Variants in PAG1 observed in about 807,000 individuals in gnomAD.
PAG1 encodes the protein phosphoprotein membrane anchor with glycosphingolipid microdomains 1.
In PAG1, 23 loss-of-function variants were observed where a neutral mutation model predicts 31.7. That is an observed-to-expected ratio of 0.73 (90% CI 0.52 to 1.03). The LOEUF (loss-of-function observed/expected upper bound fraction) is 1.03. Ranked by LOEUF, PAG1 falls within the 50% of genes least tolerant of loss-of-function variation. The probability of loss-of-function intolerance (pLI) is 0.00; values close to 1 mark genes in which losing one functional copy is unlikely to be tolerated. For missense variants in PAG1, 473 were observed against 540.7 expected, an observed-to-expected ratio of 0.87 and a Z score of 1.24; for synonymous variants, 214 against 210.3, an observed-to-expected ratio of 1.02 and a Z score of -0.15.
intron 3 of PAG1, among the ~76,000 whole-genome samples, chr8:81,021,339 C>T (rs767355991): frequency 5.9e-5 from 9 of 151,820 alleles, no homozygotes; most frequent in Non-Finnish European, 8.8e-5. Context: ...TAACAACTTA[C>T]GTCAGCATGG....
intron 1 of PAG1, among the ~76,000 whole-genome samples, chr8:81,088,362 C>T (rs1408651157): frequency 1.3e-5 from 2 of 152,116 alleles, no homozygotes; most frequent in Non-Finnish European, 2.9e-5. Context: ...TTATTAACTG[C>T]GGATTTTTTT....
chr8:80,985,113 A>G lies in PAG1; in HGVS notation c.539T>C (p.Leu180Ser). ...SSQENMVEDC[L>S]YETVKEIKEV... ...CTTGATCTCTTTCACAGTTTCATAC[A>G]AGCAGTCCTCCACCATGTTTTCTTG... The change falls in exon 7 of 9, where the codon TTG (leucine) becomes TCG (serine). Residue 180 changes from leucine (L) to serine (S), a missense_variant. Coordinates refer to ENST00000220597, the MANE Select transcript of PAG1 (RefSeq NM_018440.4). 1 of 1,614,070 alleles carries G rather than the reference A, an allele frequency of 6.2e-7. No individual in the cohort carries two copies. The highest frequency in any genetic ancestry group is 8.5e-7 in the Non-Finnish European group (1 of 1,180,020).
intron 3 of PAG1, among the ~76,000 whole-genome samples, chr8:81,026,525 CAT>C (rs1808281288): frequency 1.3e-5 from 2 of 151,180 alleles, no homozygotes; most frequent in South Asian, 2.1e-4. Flanking sequence ...TGATGACACA[CAT>C]GAGGCTGGTG....
intron 1 of PAG1, among the ~76,000 whole-genome samples, chr8:81,076,998 C>T (rs1222250897): frequency 6.6e-6 from 1 of 152,178 alleles, no homozygotes; most frequent in Non-Finnish European, 1.5e-5. Flanking sequence ...TTTCATGAAA[C>T]CTTCCTGTCT....
chr8:80,985,876 C>T (rs569873320), intron 6 of PAG1, among the ~76,000 whole-genome samples: 3 of 152,312 alleles, frequency 2.0e-5, no homozygotes, highest in South Asian at 4.1e-4. Flanking sequence ...AACATGCACC[C>T]GTCAGCCATT....
chr8:81,056,129 C>A (rs1459201328), intron 2 of PAG1, among the ~76,000 whole-genome samples: 3 of 152,090 alleles, frequency 2.0e-5, no homozygotes, highest in Non-Finnish European at 4.4e-5. Context: ...TGAAATATGT[C>A]CCATCAATAC....
intron 1 of PAG1, among the ~76,000 whole-genome samples, chr8:81,095,823 T>C (rs1433516594): frequency 1.3e-5 from 2 of 152,188 alleles, no homozygotes; most frequent in Non-Finnish European, 2.9e-5. Context: ...ACTATATGTG[T>C]AAGGCTGATA....
chr8:80,978,373 G>A (rs1807226686), intron 8 of PAG1, among the ~76,000 whole-genome samples: 1 of 152,142 alleles, frequency 6.6e-6, no homozygotes, highest in African/African-American at 2.4e-5. Flanking sequence ...TTATAAGGAA[G>A]TGCAAACACA....
intron 2 of PAG1, among the ~76,000 whole-genome samples, chr8:81,060,965 TC>T (rs1273571265): frequency 6.6e-6 from 1 of 152,220 alleles, no homozygotes; most frequent in African/African-American, 2.4e-5. Flanking sequence ...GCCTCTCTGC[TC>T]CCTTGAAAGA....
chr8:80,998,605 A>AAAG, intron 3 of PAG1, among the ~76,000 whole-genome samples: 1 of 151,290 alleles, frequency 6.6e-6, no homozygotes, highest in Non-Finnish European at 1.5e-5. Flanking sequence ...GAAAAAAAAA[A>AAAG]CCACACAAAT....
chr8:81,040,604 A>G (rs1241838977), intron 2 of PAG1, among the ~76,000 whole-genome samples: 2 of 152,386 alleles, frequency 1.3e-5, no homozygotes, highest in East Asian at 3.9e-4. Flanking sequence ...TTAACCAGTT[A>G]TCATATACGA....
At chr8:81,070,420 A>G (rs1372713570) in intron 1 of PAG1, among the ~76,000 whole-genome samples, 1 of 152,238 alleles carries the variant, frequency 6.6e-6, no homozygotes, top group Non-Finnish European at 1.5e-5. Flanking sequence ...TTATACATGT[A>G]GAAAAGTAAA....
At position 80,972,940 on chromosome 8, in the gene PAG1, C is replaced by CGTGTGTGTGTGTGTGTGT. The variant is rs112676321; in HGVS notation, c.*3586_*3603dup. ...AAGTATATACACACACACACGTATA[C>CGTGTGTGTGTGTGTGTGT]GTGTGTGTGTGTGTGTGTGTGTGTG... On this transcript the variant is annotated 3_prime_UTR_variant, in exon 9 of 9. Coordinates refer to ENST00000220597, the MANE Select transcript of PAG1 (RefSeq NM_018440.4). The CGTGTGTGTGTGTGTGTGT allele has an allele frequency of 1.2e-4, 18 of 146,384 alleles. No individual in the cohort carries two copies. The highest frequency in any genetic ancestry group is 2.7e-4 in the African/African-American group (11 of 40,108). 9.1% of individuals were successfully genotyped at this position (146,384 alleles called of 1,614,324 possible).
chr8:81,086,778 A>G lies in PAG1; in HGVS notation c.-233-16608T>C, dbSNP rs551839645. 2.0e-5 allele frequency among the ~76,000 whole-genome samples: 3 copies of G among 152,304 alleles called. No homozygotes were observed. The South Asian group carries it at 6.2e-4, about 32-fold the overall frequency. ...TGCAAATTGAGGCCCATAATAAGAT[A>G]TTATTTCATATCTACTAGACAAGCA... On this transcript the variant is annotated intron_variant, in intron 1 of 8. Coordinates refer to ENST00000220597, the MANE Select transcript of PAG1 (RefSeq NM_018440.4).
At chr8:81,105,893 C>T (rs569034789) in intron 1 of PAG1, among the ~76,000 whole-genome samples, 4 of 152,148 alleles carry the variant, frequency 2.6e-5, no homozygotes, top group Non-Finnish European at 4.4e-5. Context: ...GACAGTAATG[C>T]TGATTTAGTC....
intron 2 of PAG1, among the ~76,000 whole-genome samples, chr8:81,054,272 G>T (rs182351372): frequency 6.6e-6 from 1 of 152,060 alleles, no homozygotes; most frequent in East Asian, 1.9e-4. Flanking sequence ...GTTCCAAAAC[G>T]TTGGCTCTGA....
intron 4 of PAG1, 55 bp from the exon 5 acceptor site, chr8:80,991,585 G>T: frequency 8.6e-7 from 1 of 1,168,696 alleles, no homozygotes; most frequent in Non-Finnish European, 1.3e-6. Context: ...AAAATCAAGC[G>T]CACACTACCC....
intron 1 of PAG1, among the ~76,000 whole-genome samples, chr8:81,070,853 A>C (rs892748937): frequency 2.0e-5 from 3 of 152,186 alleles, no homozygotes; most frequent in Non-Finnish European, 2.9e-5. Flanking sequence ...TGTAATCTCA[A>C]ATCGAAAATT....
At chr8:81,003,452 G>A (rs1383950434) in intron 3 of PAG1, among the ~76,000 whole-genome samples, 6 of 152,194 alleles carry the variant, frequency 3.9e-5, no homozygotes, top group African/African-American at 1.4e-4. Context: ...TAAAGTCAGA[G>A]CTTTTGTTTC....
Sources: gnomAD v4.1 joint callset for allele counts (sites outside exome capture counted in the v4.1 genomes callset) on GRCh38, gnomAD v4.1.1 for gene constraint, MANE v1.5 for transcripts, NCBI Gene and HGNC (gene_info 2026-07-23, HGNC 2026-07-21) for gene names.